NOP14: variants seen among roughly 807,000 people sequenced by gnomAD.
The protein encoded by NOP14 is NOP14 nucleolar protein, also known as nucleolar protein 14.
In NOP14, 57 loss-of-function variants were observed where a neutral mutation model predicts 101.6. That is an observed-to-expected ratio of 0.56 (90% CI 0.45 to 0.70). The LOEUF is 0.70. Ranked by LOEUF, NOP14 falls within the 30% of genes least tolerant of loss-of-function variation. The probability of loss-of-function intolerance (pLI) is 0.00; values close to 1 mark genes in which losing one functional copy is unlikely to be tolerated. For missense variants in NOP14, 1,134 were observed against 1,075.5 expected, an observed-to-expected ratio of 1.05 and a Z score of -0.76; for synonymous variants, 428 against 424.0, an observed-to-expected ratio of 1.01 and a Z score of -0.12.
chr4:2,943,601 TAAGAG>T (rs1346706046), intron 13 of NOP14, among the ~76,000 whole-genome samples: 2 of 152,236 alleles, frequency 1.3e-5, no homozygotes, highest in Non-Finnish European at 2.9e-5. Context: ...TTCAGAGCGT[TAAGAG>T]AAGCGACACA....
At chr4:2,957,511 A>G in intron 2 of NOP14, 95 bp downstream of exon 2, 1 of 1,480,578 alleles carries the variant, frequency 6.8e-7, no homozygotes, top group Non-Finnish European at 9.3e-7. Flanking sequence ...CCGAGTGCCC[A>G]GGAACATGCA....
intron 1 of NOP14, among the ~76,000 whole-genome samples, chr4:2,960,922 A>T (rs1211789127): frequency 1.4e-5 from 1 of 70,678 alleles, no homozygotes; most frequent in African/African-American, 5.6e-5. Context: ...TATTATATCG[A>T]TATTATTTTA....
At chr4:2,950,814 A>G (rs1028990285) in intron 7 of NOP14, 9 of 282,486 alleles carry the variant, frequency 3.2e-5, no homozygotes, top group Non-Finnish European at 6.7e-6. Flanking sequence ...AGAATCATAC[A>G]GTTATTAACA....
chr4:2,945,312 G>A, intron 11 of NOP14, 83 bp from the exon 12 acceptor site: 1 of 1,035,718 alleles, frequency 9.7e-7, no homozygotes, highest in Admixed American at 2.0e-5. Flanking sequence ...CCGGAGCCAA[G>A]AACAGGATCT....
At position 2,939,183 on chromosome 4, in the gene NOP14, C is replaced by A. The variant is rs1713934219; in HGVS notation, c.2474+5G>T. The stretch of plus-strand genomic sequence containing the variant: ...AATCGTGTCGCACACACACGTCCCC[C>A]TCACCGTTCCATGATTTCTGAGAGT... On this transcript the variant is annotated splice_donor_5th_base_variant and intron_variant, in intron 17 of 17. Transcript: ENST00000416614. The A allele has an allele frequency of 1.2e-6, 2 of 1,613,780 alleles. No individual in the cohort carries two copies. The highest frequency in any genetic ancestry group is 1.1e-5 in the South Asian group (1 of 91,090).
At chr4:2,952,219 A>G in intron 6 of NOP14, 56 bp downstream of exon 6, 1 of 1,588,852 alleles carries the variant, frequency 6.3e-7, no homozygotes. Context: ...AATGGAGCAG[A>G]AGGGGCTGTG....
intron 13 of NOP14, among the ~76,000 whole-genome samples, chr4:2,943,434 C>T (rs1322275420): frequency 1.3e-5 from 2 of 152,230 alleles, no homozygotes; most frequent in Admixed American, 6.5e-5. Context: ...CCTCACCCCC[C>T]AGAGGGAAGC....
In NOP14 at chr4:2,944,059, T is replaced by C. The variant is rs1305564553; in HGVS notation, c.1891+14A>G. 5.0e-6 allele frequency: 8 copies of C among 1,591,354 alleles called. No individual in the cohort carries two copies. The highest frequency in any genetic ancestry group is 6.0e-6 in the Non-Finnish European group (7 of 1,170,540). ...TATAACATATTTGTAGGAACCTCCC[T>C]CAAATCAACTCACCTTGGCTTGCTT... is the stretch of plus-strand genomic sequence containing the variant. On this transcript the variant is annotated intron_variant, in intron 13 of 17. Transcript: ENST00000416614.
intron 5 of NOP14, among the ~76,000 whole-genome samples, chr4:2,952,653 G>A (rs1250498778): frequency 2.0e-5 from 3 of 152,118 alleles, no homozygotes; most frequent in Admixed American, 1.3e-4. Flanking sequence ...CTGCTTTAAC[G>A]AAAACAGGCC....
chr4:2,945,341 C>G (rs1240927637), intron 11 of NOP14, 112 bp from the exon 12 acceptor site: 5 of 793,502 alleles, frequency 6.3e-6, no homozygotes, highest in South Asian at 3.2e-5. Context: ...GAGGGTGCAT[C>G]TCCTTGGCCC....
At chr4:2,960,742 A>G (rs60925145) in intron 1 of NOP14, among the ~76,000 whole-genome samples, 1,984 of 125,656 alleles carry the variant, frequency 0.016, 86 homozygotes, top group African/African-American at 0.027. Context: ...ATATTAATAT[A>G]TTAATATTAT....
In NOP14 at chr4:2,938,246, T is replaced by C. The variant is rs1275199763; in HGVS notation, c.*585A>G. The C allele has an allele frequency of 7.8e-7, 1 of 1,288,514 alleles. No individual in the cohort carries two copies. Among genetic ancestry groups the C allele is most frequent in the South Asian group, 1.2e-5 (1 of 80,978 alleles). The allele number at this position is 1,288,514 out of a possible 1,614,324, so 79.8% of individuals were successfully genotyped here. ...TTATTACTCTAAAAAAAATTACTTT[T>C]TTGGCTGGGTGCTGTGGCTCACACC... On this transcript the variant is annotated 3_prime_UTR_variant, in exon 18 of 18. Transcript: ENST00000416614.
Position 2,944,188 on chromosome 4 carries a change from C to G in NOP14, c.1776G>C (p.Leu592=), listed in dbSNP as rs1475650999. 1.9e-6 allele frequency: 3 copies of G among 1,614,144 alleles called. No individual in the cohort carries two copies. The change falls in exon 13 of 18, where the codon CTG becomes CTC. Residue 592 remains leucine (L), a synonymous_variant. Coordinates refer to ENST00000416614, the MANE Select transcript of NOP14 (RefSeq NM_001291978.2). ...ILSLQDVVKG[L]FVCCLFLEYV... is the part of the protein sequence containing the mutation. ...ACTCCAGGAACAGGCAGCACACGAA[C>G]AGGCCCTTCACCACGTCCTGGAGGG...
chr4:2,956,759 G>C lies in NOP14; in HGVS notation c.383C>G (p.Thr128Ser), dbSNP rs1289968590. The change falls in exon 3 of 18, where the codon ACT (threonine) becomes AGT (serine). Residue 128 changes from threonine to serine, a missense_variant. Physicochemically the swap from Thr to Ser is moderately conservative, Grantham distance 58 (BLOSUM62 1). Coordinates refer to ENST00000416614, the MANE Select transcript of NOP14 (RefSeq NM_001291978.2). Reference protein sequence around the residue: ...IYNLNEDEELTHYGQSLADIE... With the variant: ...IYNLNEDEELSHYGQSLADIE... ...GTCTGCCAAAGACTGGCCATAATGA[G>C]TCAATTCTTCATCTTCATTTAGATT... The C allele has an allele frequency of 1.2e-6, 2 of 1,612,618 alleles. No individual in the cohort carries two copies. The highest frequency in any genetic ancestry group is 2.2e-5 in the South Asian group (2 of 90,724).
chr4:2,960,707 A>T (rs1000626257), intron 1 of NOP14, among the ~76,000 whole-genome samples: 1 of 132,064 alleles, frequency 7.6e-6, no homozygotes, highest in East Asian at 2.1e-4. Flanking sequence ...ATTAATATTA[A>T]TATATTAATA....
chr4:2,960,153 G>A (rs1010185180), intron 1 of NOP14, among the ~76,000 whole-genome samples: 2 of 152,068 alleles, frequency 1.3e-5, no homozygotes, highest in African/African-American at 4.8e-5. Flanking sequence ...TGTATTTTTA[G>A]TAGAGATGGG....
rs1027029043 is a variant in NOP14, at chr4:2,939,654, C to G, written c.2200-9G>C. The G allele has an allele frequency of 1.9e-5, 30 of 1,603,982 alleles. No homozygotes were observed. The highest frequency in any genetic ancestry group is 2.5e-5 in the Non-Finnish European group (29 of 1,171,110). ...GTGCTCTGACACAGCTCCTGAAAAA[C>G]ACGAAATCCCCGACTCTGCGATGAC... On this transcript the variant is annotated splice_polypyrimidine_tract_variant and intron_variant, in intron 15 of 17. Coordinates refer to ENST00000416614, the MANE Select transcript of NOP14 (RefSeq NM_001291978.2).
At chr4:2,942,603 C>T (rs930787622) in intron 13 of NOP14, among the ~76,000 whole-genome samples, 8 of 152,166 alleles carry the variant, frequency 5.3e-5, no homozygotes, top group African/African-American at 7.2e-5. Context: ...CCACAGACTT[C>T]CTGGGGCCTA....
chr4:2,951,146 C>G lies in NOP14; in HGVS notation c.970G>C (p.Asp324His). The G allele has an allele frequency of 6.2e-7, 1 of 1,613,998 alleles. No homozygotes were observed. Among genetic ancestry groups the G allele is most frequent in the African/African-American group, 1.3e-5 (1 of 75,064 alleles). ...ADDLNDGFVLDKDDRRLLSYK... is the reference protein window; with the variant it reads ...ADDLNDGFVLHKDDRRLLSYK... ...GAAAGCAAACGCCTGTCATCTTTAT[C>G]TAGCACGAAGCCATCATTCAGATCA... Residue 324 changes from aspartate (D) to histidine (H), a missense_variant, in exon 7 of 18, where the codon GAT (aspartate) becomes CAT (histidine). Asp to His is a moderately conservative substitution (Grantham distance 81). Transcript: ENST00000416614.
Sources: gnomAD v4.1 joint callset for allele counts (sites outside exome capture counted in the v4.1 genomes callset) on GRCh38, gnomAD v4.1.1 for gene constraint, MANE v1.5 for transcripts, NCBI Gene and HGNC (gene_info 2026-07-23, HGNC 2026-07-21) for gene names.